SHANK2: variants seen among roughly 807,000 people sequenced by gnomAD.
SHANK2 encodes SH3 and multiple ankyrin repeat domains 2.
SHANK2 carries 43 observed loss-of-function variants against 133.7 expected under a neutral mutation model. The observed-to-expected ratio is 0.32, with a 90% CI of 0.25 to 0.41. The LOEUF is 0.41. Among genes scored for constraint, SHANK2 ranks in the 10% least tolerant of loss-of-function variants. The pLI, the probability that SHANK2 is intolerant of heterozygous loss-of-function variation, is 1.00. For missense variants in SHANK2, 1,994 were observed against 2,235.8 expected (o/e 0.89, Z 2.18); for synonymous variants, 1,017 against 952.8 (o/e 1.07, Z -1.24).
intron 17 of SHANK2, among the ~76,000 whole-genome samples, chr11:70,550,463 C>T (rs1554977651): frequency 6.6e-6 from 1 of 152,202 alleles, no homozygotes; most frequent in Non-Finnish European, 1.5e-5. Flanking sequence ...ACCCTGGACC[C>T]TGCTTCTCAC....
At chr11:70,784,712 C>T (rs1729708913) in intron 14 of SHANK2, among the ~76,000 whole-genome samples, 1 of 152,178 alleles carries the variant, frequency 6.6e-6, no homozygotes, top group South Asian at 2.1e-4. Context: ...GTCTGCCTCC[C>T]TGGGAGCCTG....
chr11:70,499,736 T>C (rs1264810580), intron 21 of SHANK2, among the ~76,000 whole-genome samples: 2 of 152,172 alleles, frequency 1.3e-5, no homozygotes, highest in Non-Finnish European at 2.9e-5. Flanking sequence ...TCTGGGCAGC[T>C]GTAGGATGCT....
intron 11 of SHANK2, among the ~76,000 whole-genome samples, chr11:70,831,698 G>A (rs1162221941): frequency 1.3e-5 from 2 of 152,272 alleles, no homozygotes; most frequent in African/African-American, 4.8e-5. Context: ...ATTTCAAGGT[G>A]CTCTGAAGTC....
chr11:70,752,006 A>C (rs1946758015), intron 14 of SHANK2, among the ~76,000 whole-genome samples: 1 of 152,242 alleles, frequency 6.6e-6, no homozygotes, highest in Admixed American at 6.5e-5. Flanking sequence ...AAAATGGTAG[A>C]TATAAATACT....
intron 25 of SHANK2, among the ~76,000 whole-genome samples, chr11:70,484,201 C>T (rs2058771879): frequency 6.6e-6 from 1 of 152,184 alleles, no homozygotes; most frequent in Non-Finnish European, 1.5e-5. Context: ...GACTGCTGAG[C>T]CCTGATACGG....
chr11:70,649,472 A>G (rs548300751), intron 17 of SHANK2, among the ~76,000 whole-genome samples: 103 of 152,272 alleles, frequency 6.8e-4, no homozygotes, highest in African/African-American at 2.4e-3. Flanking sequence ...AACTCCATCA[A>G]TTAAAAGATC....
chr11:71,199,939 C>T (rs1953985349), intron 2 of SHANK2, among the ~76,000 whole-genome samples: 1 of 152,110 alleles, frequency 6.6e-6, no homozygotes, highest in South Asian at 2.1e-4. Flanking sequence ...CTCTCAAAGG[C>T]GGACATGGTT....
chr11:70,853,930 C>T (rs1949129814), intron 11 of SHANK2, among the ~76,000 whole-genome samples: 2 of 152,158 alleles, frequency 1.3e-5, no homozygotes, highest in Non-Finnish European at 2.9e-5. Context: ...AAGACATCAG[C>T]CATTGGTCAT....
intron 14 of SHANK2, among the ~76,000 whole-genome samples, chr11:70,760,397 G>A (rs545721276): frequency 9.2e-5 from 14 of 152,310 alleles, no homozygotes; most frequent in African/African-American, 2.9e-4. Flanking sequence ...CAATTCTTGG[G>A]CTGACATGTG....
intron 3 of SHANK2, among the ~76,000 whole-genome samples, chr11:71,120,999 A>G (rs1565462971): frequency 6.6e-6 from 1 of 152,384 alleles, no homozygotes; most frequent in South Asian, 2.1e-4. Flanking sequence ...ATTTGTGGAC[A>G]GGGTGGGGAT....
At chr11:70,575,363 C>G (rs11236691) in intron 17 of SHANK2, among the ~76,000 whole-genome samples, 1 of 151,712 alleles carries the variant, frequency 6.6e-6, no homozygotes, top group African/African-American at 2.4e-5. Context: ...AATACACACA[C>G]AAAAAATCAG....
At position 70,500,699 on chromosome 11, in the gene SHANK2, C is replaced by T; in HGVS notation, c.2288-109G>A. On this transcript the variant is annotated intron_variant, in intron 20 of 25. Transcript: ENST00000601538. The surrounding 1 kb of genome is among the most constrained non-coding windows in gnomAD (Gnocchi z 4.5). ...GCGCCTCAGGAGCAGGCTGGGCCGG[C>T]AATGGGGCGGCAGGCAGGGGCTGTC... 6.9e-7 allele frequency: 1 copy of T among 1,442,288 alleles called. No individual in the cohort carries two copies. The highest frequency in any genetic ancestry group is 9.6e-7 in the Non-Finnish European group (1 of 1,046,984). The allele number at this position is 1,442,288 out of a possible 1,614,324, so 89.3% of individuals were successfully genotyped here. A position where few individuals can be genotyped will look rare whatever the true frequency, so the allele number is the denominator to read the frequency against.
At chr11:70,564,797 C>T (rs1284461323) in intron 17 of SHANK2, among the ~76,000 whole-genome samples, 6 of 152,216 alleles carry the variant, frequency 3.9e-5, no homozygotes, top group African/African-American at 1.4e-4. Context: ...TCCGTCATCT[C>T]AGACACTGTG....
In SHANK2 at chr11:70,550,297, G is replaced by A. The variant is rs148419220; in HGVS notation, c.2062-47366C>T. ...TACAGCCCTTTCCCCATGTCAGTTA[G>A]GCAGAGGAGACCCTCCCTACCTGGA... On this transcript the variant is annotated intron_variant, in intron 17 of 25. Transcript: ENST00000601538. Among the ~76,000 whole-genome samples the A allele has an allele frequency of 2.0e-5, 3 of 152,260 alleles. No homozygotes were observed. The East Asian group carries it at 5.8e-4, about 29-fold the overall frequency.
chr11:70,662,048 C>T (rs1349440868), intron 15 of SHANK2: 5 of 502,858 alleles, frequency 9.9e-6, no homozygotes, highest in Middle Eastern at 5.6e-4. Flanking sequence ...ACGGCGGCGG[C>T]GGCAGCGGCG....
intron 14 of SHANK2, among the ~76,000 whole-genome samples, chr11:70,737,408 C>G (rs978023089): frequency 6.6e-6 from 1 of 152,186 alleles, no homozygotes; most frequent in Non-Finnish European, 1.5e-5. Flanking sequence ...CCCTCTGCAC[C>G]TGGGACACGC....
rs2061227326 is a variant in SHANK2, at chr11:70,644,127, G to A, written c.2061+15701C>T. Among the ~76,000 whole-genome samples, 3 of 152,174 alleles carry A rather than the reference G, an allele frequency of 2.0e-5. No homozygotes were observed. In the South Asian group the frequency reaches 6.2e-4, roughly 32 times the overall value. ...ATTCAAAAGTTAAACAACAAAAAGT[G>A]AAGAACATTGCTTTTTTAAAAATTC... On this transcript the variant is annotated intron_variant, in intron 17 of 25. Transcript: ENST00000601538.
In SHANK2 at chr11:70,740,592, C is replaced by A. The variant is rs540287720; in HGVS notation, c.1778-41829G>T. Among the ~76,000 whole-genome samples, 3 of 152,296 alleles carry A rather than the reference C, an allele frequency of 2.0e-5. No individual in the cohort carries two copies. The South Asian group carries it at 6.2e-4, about 32-fold the overall frequency. ...GACTGAAGTCTTCCTGTTCCTCCCC[C>A]TCACCCCCTGCCCGGTTGGATAGGC... On this transcript the variant is annotated intron_variant, in intron 14 of 25. Transcript: ENST00000601538.
intron 3 of SHANK2, among the ~76,000 whole-genome samples, chr11:71,142,864 C>T (rs1952583231): frequency 6.6e-6 from 1 of 151,302 alleles, no homozygotes; most frequent in Admixed American, 6.6e-5. Context: ...CTGTTGGCCT[C>T]AAATGTATTC....
Sources: allele counts gnomAD v4.1 joint callset (sites outside exome capture counted in the v4.1 genomes callset), GRCh38; gene constraint gnomAD v4.1.1; non-coding constraint Gnocchi (gnomAD v3.1); transcripts MANE v1.5; gene names NCBI Gene and HGNC (gene_info 2026-07-23, HGNC 2026-07-21).